The following TXNDC16 variants were observed in gnomAD, a reference collection of about 807,000 sequenced individuals.
TXNDC16 encodes thioredoxin domain-containing protein 16.
A neutral mutation model predicts 85.6 loss-of-function variants in TXNDC16; 74 were observed. The ratio of observed to expected loss-of-function variants is 0.86; its 90% confidence interval spans 0.72 to 1.05. The LOEUF is 1.05. Among genes scored for constraint, TXNDC16 ranks in the 50% least tolerant of loss-of-function variants. The probability of loss-of-function intolerance (pLI) is 0.00; values close to 1 mark genes in which losing one functional copy is unlikely to be tolerated. For missense variants in TXNDC16, 959 were observed against 947.0 expected (o/e 1.01, Z -0.17); for synonymous variants, 335 against 326.5 (o/e 1.03, Z -0.28).
At chr14:52,450,054 C>A (rs2035372375) in intron 18 of TXNDC16, among the ~76,000 whole-genome samples, 1 of 151,554 alleles carries the variant, frequency 6.6e-6, no homozygotes, top group Admixed American at 6.6e-5. Context: ...CAAACCAAAC[C>A]CAAAATTAGC....
At chr14:52,543,030 T>C (rs1208318527) in intron 3 of TXNDC16, among the ~76,000 whole-genome samples, 14 of 152,152 alleles carry the variant, frequency 9.2e-5, no homozygotes, top group Admixed American at 6.5e-5. Context: ...GTAAAAAACT[T>C]AAAATAGTTA....
In TXNDC16 at chr14:52,470,596, A is replaced by G; in HGVS notation, c.1397T>C (p.Ile466Thr). Residue 466 changes from isoleucine (I) to threonine (T), a missense_variant, in exon 15 of 21, where the codon ATC (isoleucine) becomes ACC (threonine). By Grantham distance (89) the Ile-to-Thr change is moderately conservative. Coordinates refer to ENST00000281741, the MANE Select transcript of TXNDC16 (RefSeq NM_020784.3). ...CTCGCCTTTCTTGTACATCTTTATGATAGGAAATTCAGTAACATTTTGCTT... is the reference window on the plus strand; with the variant it reads ...CTCGCCTTTCTTGTACATCTTTATGGTAGGAAATTCAGTAACATTTTGCTT... ...CTKQNVTEFP[I>T]IKMYKKGENP... 1 of 1,614,056 alleles carries G rather than the reference A, an allele frequency of 6.2e-7. No homozygotes were observed. The highest frequency in any genetic ancestry group is 8.5e-7 in the Non-Finnish European group (1 of 1,179,980).
intron 18 of TXNDC16, among the ~76,000 whole-genome samples, chr14:52,454,595 G>C (rs1207984178): frequency 1.3e-5 from 2 of 148,904 alleles, no homozygotes; most frequent in East Asian, 2.0e-4. Context: ...CTTGAGGTCA[G>C]GAGTTCGAGA....
chr14:52,481,943 T>C (rs940156708), intron 14 of TXNDC16, among the ~76,000 whole-genome samples: 18 of 152,150 alleles, frequency 1.2e-4, no homozygotes, highest in African/African-American at 3.9e-4. Context: ...TCATAAATGC[T>C]TGCTGAATGA....
intron 20 of TXNDC16, among the ~76,000 whole-genome samples, chr14:52,438,012 C>G (rs997252382): frequency 1.3e-5 from 2 of 152,092 alleles, no homozygotes; most frequent in African/African-American, 4.8e-5. Flanking sequence ...GTATAAATAA[C>G]AAGAGAACTA....
chr14:52,436,381 C>T (rs1316592823), intron 20 of TXNDC16, among the ~76,000 whole-genome samples: 1 of 152,014 alleles, frequency 6.6e-6, no homozygotes, highest in Non-Finnish European at 1.5e-5. Context: ...ATCCATAGAA[C>T]CATAAAATAG....
At position 52,502,538 on chromosome 14, in the gene TXNDC16, T is replaced by C. The variant is rs577876869; in HGVS notation, c.756+8702A>G. 3.9e-5 allele frequency among the ~76,000 whole-genome samples: 6 copies of C among 152,330 alleles called. No individual in the cohort carries two copies. The South Asian group carries it at 1.2e-3, about 32-fold the overall frequency. On this transcript the variant is annotated intron_variant, in intron 9 of 20. Transcript: ENST00000281741. ...GTAAAACCACACTTAACTGAAGTCA[T>C]TATGAAGTTTCCAAAGCTTTGGTTT...
At chr14:52,469,274 G>A (rs2035847296) in intron 16 of TXNDC16, among the ~76,000 whole-genome samples, 1 of 151,350 alleles carries the variant, frequency 6.6e-6, no homozygotes, top group Non-Finnish European at 1.5e-5. Flanking sequence ...TTGAGCCCAG[G>A]AAGCAGAGAT....
chr14:52,528,898 T>C (rs2037403287), intron 6 of TXNDC16, among the ~76,000 whole-genome samples: 1 of 147,546 alleles, frequency 6.8e-6, no homozygotes, highest in Non-Finnish European at 1.5e-5. Context: ...ATAATACCTA[T>C]TATATATATT....
intron 9 of TXNDC16, among the ~76,000 whole-genome samples, chr14:52,506,532 T>TC (rs2036807514): frequency 7.5e-6 from 1 of 133,090 alleles, no homozygotes; most frequent in Non-Finnish European, 1.6e-5. Context: ...CAACCCTTTT[T>TC]TTTTTTTTTT....
intron 18 of TXNDC16, among the ~76,000 whole-genome samples, chr14:52,446,081 A>C (rs1369479963): frequency 6.6e-6 from 1 of 152,224 alleles, no homozygotes; most frequent in Non-Finnish European, 1.5e-5. Flanking sequence ...ATCTACACAA[A>C]AAAGCACCTT....
chr14:52,519,951 T>A (rs1000287004), intron 6 of TXNDC16, among the ~76,000 whole-genome samples: 53 of 152,332 alleles, frequency 3.5e-4, no homozygotes, highest in Admixed American at 3.1e-3. Context: ...TATATTTATT[T>A]ACTTATCTCC....
intron 18 of TXNDC16, among the ~76,000 whole-genome samples, chr14:52,445,258 A>T (rs1257726020): frequency 1.3e-5 from 2 of 152,206 alleles, no homozygotes; most frequent in Non-Finnish European, 2.9e-5. Context: ...TGTTACTTTA[A>T]TAAGTAATTT....
chr14:52,529,741 A>T (rs2037443902), intron 6 of TXNDC16, among the ~76,000 whole-genome samples: 1 of 118,308 alleles, frequency 8.5e-6, no homozygotes, highest in East Asian at 2.4e-4. Context: ...TATAATGCCT[A>T]TTATATATTA....
At chr14:52,545,333 T>C (rs2037919755) in intron 1 of TXNDC16, among the ~76,000 whole-genome samples, 1 of 152,194 alleles carries the variant, frequency 6.6e-6, no homozygotes, top group African/African-American at 2.4e-5. Context: ...ATTATATATG[T>C]GAAAGCACTG....
intron 7 of TXNDC16, 130 bp downstream of exon 7, chr14:52,519,042 T>G (rs7150981): frequency 0.096 from 91,014 of 952,350 alleles, 4,824 homozygotes; most frequent in East Asian, 0.16. Context: ...GAAAAATAGC[T>G]TAATAGTAAA....
At chr14:52,461,451 G>A (rs770032255) in intron 16 of TXNDC16, among the ~76,000 whole-genome samples, 24 of 152,098 alleles carry the variant, frequency 1.6e-4, no homozygotes, top group Non-Finnish European at 3.5e-4. Context: ...ATTTAGGAAT[G>A]ACTCAGACAT....
chr14:52,496,210 C>A (rs571460252), intron 9 of TXNDC16, among the ~76,000 whole-genome samples: 1 of 151,418 alleles, frequency 6.6e-6, no homozygotes, highest in Non-Finnish European at 1.5e-5. Flanking sequence ...ACACAACAGA[C>A]AATGATGGGA....
chr14:52,517,476 T>C (rs2037111088), intron 7 of TXNDC16, among the ~76,000 whole-genome samples: 1 of 152,158 alleles, frequency 6.6e-6, no homozygotes, highest in Non-Finnish European at 1.5e-5. Context: ...GATGATTTTG[T>C]GTCTATTTCA....
Sources: gnomAD v4.1 joint callset for allele counts (sites outside exome capture counted in the v4.1 genomes callset) on GRCh38, gnomAD v4.1.1 for gene constraint, MANE v1.5 for transcripts, NCBI Gene and HGNC (gene_info 2026-07-23, HGNC 2026-07-21) for gene names.